The following MAP3K14 variants were observed in gnomAD, a reference collection of about 807,000 sequenced individuals.
MAP3K14 encodes the protein mitogen-activated protein kinase kinase kinase 14.
Under a neutral mutation model 99.2 loss-of-function variants are expected in MAP3K14, and 16 were observed. That is an observed-to-expected ratio of 0.16 (90% CI 0.11 to 0.24). MAP3K14 has a LOEUF of 0.24. Among genes scored for constraint, MAP3K14 ranks in the 10% least tolerant of loss-of-function variants. MAP3K14 has a pLI of 1.00. For missense variants in MAP3K14, 784 were observed against 1,208.7 expected, an observed-to-expected ratio of 0.65 and a Z score of 5.21; for synonymous variants, 462 against 492.4, an observed-to-expected ratio of 0.94 and a Z score of 0.82.
chr17:45,274,273 G>A lies in MAP3K14; in HGVS notation c.1421-19C>T. 1 of 1,596,428 alleles carries A rather than the reference G, an allele frequency of 6.3e-7. No individual in the cohort carries two copies. The highest frequency in any genetic ancestry group is 8.5e-7 in the Non-Finnish European group (1 of 1,171,250). On this transcript the variant is annotated intron_variant, in intron 7 of 15. Coordinates refer to ENST00000344686, the MANE Select transcript of MAP3K14 (RefSeq NM_003954.5). The stretch of plus-strand genomic sequence containing the variant: ...GAGCCACCTAGGAGACCAAAGGCCA[G>A]GCTATACATGGGACTTGCCCGAGCC...
At chr17:45,309,800 A>G (rs1272480566) in intron 1 of MAP3K14, among the ~76,000 whole-genome samples, 1 of 152,144 alleles carries the variant, frequency 6.6e-6, no homozygotes, top group Non-Finnish European at 1.5e-5. Context: ...ATTGCTTGAG[A>G]AGATAACCCT....
intron 1 of MAP3K14, among the ~76,000 whole-genome samples, chr17:45,308,522 G>A (rs1292073919): frequency 6.6e-6 from 1 of 152,028 alleles, no homozygotes; most frequent in Non-Finnish European, 1.5e-5. Context: ...TTTCTTTTTT[G>A]AGAAGAGGAC....
intron 6 of MAP3K14, 75 bp downstream of exon 6, chr17:45,284,737 G>C: frequency 6.7e-7 from 1 of 1,496,386 alleles, no homozygotes; most frequent in Non-Finnish European, 8.9e-7. Context: ...GACTGTCCTG[G>C]ACAGAAAGCA....
chr17:45,285,004 A>G, intron 5 of MAP3K14, 55 bp from the exon 6 acceptor site: 1 of 1,522,696 alleles, frequency 6.6e-7, no homozygotes, highest in Non-Finnish European at 8.9e-7. Flanking sequence ...GCAGAGGGCT[A>G]CAGGGCTACA....
At chr17:45,288,255 C>T (rs2044283265) in intron 3 of MAP3K14, among the ~76,000 whole-genome samples, 1 of 152,228 alleles carries the variant, frequency 6.6e-6, no homozygotes, top group African/African-American at 2.4e-5. Flanking sequence ...CCAAACTGAG[C>T]ATTTCTTGGT....
intron 1 of MAP3K14, among the ~76,000 whole-genome samples, chr17:45,305,552 C>T (rs577708839): frequency 3.9e-5 from 6 of 152,214 alleles, no homozygotes; most frequent in East Asian, 1.9e-4. Flanking sequence ...TGTACCACCA[C>T]GCATGGCTAA....
intron 1 of MAP3K14, among the ~76,000 whole-genome samples, chr17:45,292,060 T>C (rs983509916): frequency 1.2e-4 from 18 of 152,364 alleles, no homozygotes; most frequent in East Asian, 1.9e-4. Context: ...CCCACCTCGA[T>C]GGCTATGAAA....
intron 15 of MAP3K14, 62 bp from the exon 16 acceptor site, chr17:45,264,862 G>A: frequency 6.5e-7 from 1 of 1,548,046 alleles, no homozygotes. Context: ...ATGTAGAAAG[G>A]TAAAGACATC....
chr17:45,286,743 C>T lies in MAP3K14; in HGVS notation c.840G>A (p.Leu280=), dbSNP rs1441243059. ...AGGCCAGTTTGCCCAGGAAGGACTC[C>T]AGAGGGTGAGGTTTCCAGGGCTGGA... is the stretch of plus-strand genomic sequence containing the variant. ...HPLQPWKPHP[L]ESFLGKLACV... is the part of the protein sequence containing the mutation. The change falls in exon 5 of 16, where the codon CTG becomes CTA. Residue 280 remains leucine (L), a synonymous_variant. Transcript: ENST00000344686. This position sits in a 1 kb window ranked among gnomAD's most constrained non-coding sequence, Gnocchi z 4.1. 6.2e-7 allele frequency: 1 copy of T among 1,611,214 alleles called. No homozygotes were observed. Among genetic ancestry groups the T allele is most frequent in the Non-Finnish European group, 8.5e-7 (1 of 1,178,732 alleles).
At chr17:45,268,507 T>A (rs1198288711) in intron 11 of MAP3K14, 1 of 152,060 alleles carries the variant, frequency 6.6e-6, no homozygotes, top group Non-Finnish European at 1.5e-5. Flanking sequence ...TCCACCTCAA[T>A]CTTCTGAGTG....
chr17:45,304,096 TC>T (rs1384349392), intron 1 of MAP3K14, among the ~76,000 whole-genome samples: 2 of 141,700 alleles, frequency 1.4e-5, no homozygotes, highest in African/African-American at 5.2e-5. Context: ...CACTGCAACC[TC>T]CGTCTCCCGA....
chr17:45,267,494 G>C lies in MAP3K14; in HGVS notation c.2238C>G (p.Ser746=), dbSNP rs753923383. 1.2e-6 allele frequency: 2 copies of C among 1,612,646 alleles called. No individual in the cohort carries two copies. The highest frequency in any genetic ancestry group is 2.2e-5 in the South Asian group (2 of 90,904). ...TTCTGGCAGGGGCTGGCTCCAGGGAGGACAGAGGTAAGGGTTCCCACATCC... is the reference window on the plus strand; with the variant it reads ...TTCTGGCAGGGGCTGGCTCCAGGGACGACAGAGGTAAGGGTTCCCACATCC... ...ESGMWEPLPL[S]SLEPAPARNP... The change falls in exon 12 of 16, where the codon TCC becomes TCG. Residue 746 remains serine (S), a synonymous_variant. Coordinates refer to ENST00000344686, the MANE Select transcript of MAP3K14 (RefSeq NM_003954.5). This position sits in a 1 kb window ranked among gnomAD's most constrained non-coding sequence, Gnocchi z 5.1.
chr17:45,300,298 T>C (rs987430330), intron 1 of MAP3K14, among the ~76,000 whole-genome samples: 5 of 152,164 alleles, frequency 3.3e-5, no homozygotes, highest in Admixed American at 6.5e-5. Context: ...GGCATTGGTC[T>C]TACCCACTTC....
At chr17:45,308,722 C>T (rs2143869839) in intron 1 of MAP3K14, among the ~76,000 whole-genome samples, 1 of 150,948 alleles carries the variant, frequency 6.6e-6, no homozygotes, top group African/African-American at 2.4e-5. Context: ...GGCTGGGGTG[C>T]AGTGGTGCGA....
At chr17:45,270,823 C>A in intron 10 of MAP3K14, 1 of 756,186 alleles carries the variant, frequency 1.3e-6, no homozygotes, top group South Asian at 1.7e-5. Context: ...TGGATGGGGC[C>A]CAGGGTATGG....
chr17:45,289,163 C>T, intron 3 of MAP3K14, 73 bp downstream of exon 3: 1 of 1,405,198 alleles, frequency 7.1e-7, no homozygotes, highest in Non-Finnish European at 1.0e-6. Flanking sequence ...AGGAGCGGCC[C>T]AGGCAAGTGC....
chr17:45,304,015 T>C (rs527456990), intron 1 of MAP3K14, among the ~76,000 whole-genome samples: 54 of 146,068 alleles, frequency 3.7e-4, no homozygotes, highest in Admixed American at 6.1e-4. Flanking sequence ...CTTTTCTTTT[T>C]TTTTTTTTTT....
chr17:45,315,268 G>A (rs2044520874), intron 1 of MAP3K14, among the ~76,000 whole-genome samples: 1 of 151,892 alleles, frequency 6.6e-6, no homozygotes, highest in Non-Finnish European at 1.5e-5. Flanking sequence ...ACTCTTAACA[G>A]ACAATACCAA....
chr17:45,295,442 C>A (rs1019695516), intron 1 of MAP3K14, among the ~76,000 whole-genome samples: 2 of 152,166 alleles, frequency 1.3e-5, no homozygotes, highest in Non-Finnish European at 2.9e-5. Flanking sequence ...TGGAAACCAG[C>A]GGCCTAGGAA....
Sources: allele counts gnomAD v4.1 joint callset (sites outside exome capture counted in the v4.1 genomes callset), GRCh38; gene constraint gnomAD v4.1.1; non-coding constraint Gnocchi (gnomAD v3.1); transcripts MANE v1.5; gene names NCBI Gene and HGNC (gene_info 2026-07-23, HGNC 2026-07-21).